Variants in TMEM132C observed in about 807,000 individuals in gnomAD.
TMEM132C encodes the protein transmembrane protein 132C.
Under a neutral mutation model 61.4 loss-of-function variants are expected in TMEM132C, and 29 were observed. The ratio of observed to expected loss-of-function variants is 0.47; its 90% confidence interval spans 0.35 to 0.64. The LOEUF (loss-of-function observed/expected upper bound fraction) is 0.64, where lower values mean the gene tolerates loss of function less well. TMEM132C is among the 30% of genes least tolerant of loss of function. The pLI, the probability that TMEM132C is intolerant of heterozygous loss-of-function variation, is 0.00. For synonymous variants in TMEM132C, 656 were observed against 633.1 expected, an observed-to-expected ratio of 1.04 and a Z score of -0.54; for missense variants, 1,408 against 1,476.9, an observed-to-expected ratio of 0.95 and a Z score of 0.76.
chr12:128,600,581 G>T (rs923547764), intron 3 of TMEM132C, among the ~76,000 whole-genome samples: 3 of 152,188 alleles, frequency 2.0e-5, no homozygotes. Flanking sequence ...CACCTTTGCA[G>T]CTGGGCACCA....
At chr12:128,561,295 G>A (rs537048051) in intron 3 of TMEM132C, among the ~76,000 whole-genome samples, 263 of 152,358 alleles carry the variant, frequency 1.7e-3, no homozygotes, top group Non-Finnish European at 2.9e-3. Flanking sequence ...TAATCATAAG[G>A]AAATATAGAG....
intron 2 of TMEM132C, among the ~76,000 whole-genome samples, chr12:128,500,781 A>G (rs1872145800): frequency 6.6e-6 from 1 of 152,212 alleles, no homozygotes; most frequent in Admixed American, 6.5e-5. Flanking sequence ...ATTTCTCAGA[A>G]AGTTAAACAT....
intron 4 of TMEM132C, among the ~76,000 whole-genome samples, chr12:128,629,376 C>T (rs946254550): frequency 6.6e-6 from 1 of 152,010 alleles, no homozygotes; most frequent in African/African-American, 2.4e-5. Flanking sequence ...AAAAATGAGG[C>T]GGGAGGATTG....
intron 2 of TMEM132C, among the ~76,000 whole-genome samples, chr12:128,521,470 A>T (rs1208907676): frequency 1.1e-5 from 1 of 89,656 alleles, no homozygotes; most frequent in African/African-American, 4.1e-5. Context: ...CCACCCCCCA[A>T]CAGGCCCCGG....
Position 128,342,009 on chromosome 12 carries a change from CT to C in TMEM132C, c.86-72710del, listed in dbSNP as rs879833084. Among the ~76,000 whole-genome samples, 379 of 145,532 alleles carry C rather than the reference CT, an allele frequency of 2.6e-3. 1 individual carries two copies. Among genetic ancestry groups the C allele is most frequent in the Middle Eastern group, 3.7e-3 (1 of 272 alleles). ...GCTAAAAGTTCACCTGGCCACACTT[CT>C]TTTTTTTTTTTTCTTTGAGATGGAG... On this transcript the variant is annotated intron_variant, in intron 1 of 8. Transcript: ENST00000435159.
intron 2 of TMEM132C, among the ~76,000 whole-genome samples, chr12:128,416,113 G>A (rs1400585828): frequency 2.6e-5 from 4 of 152,134 alleles, no homozygotes; most frequent in Non-Finnish European, 5.9e-5. Context: ...GTGTCTGGGA[G>A]GCCTTACTGC....
chr12:128,289,242 A>G (rs4882729), intron 1 of TMEM132C, among the ~76,000 whole-genome samples: 17,870 of 152,178 alleles, frequency 0.12, 1,216 homozygotes, highest in East Asian at 0.3. Context: ...ACCCTCTCAC[A>G]TGTTAACATA....
chr12:128,595,528 C>G (rs1030128289), intron 3 of TMEM132C, among the ~76,000 whole-genome samples: 3 of 152,156 alleles, frequency 2.0e-5, no homozygotes, highest in Non-Finnish European at 4.4e-5. Flanking sequence ...AGTTGCAAAA[C>G]AACAGAACTA....
intron 1 of TMEM132C, among the ~76,000 whole-genome samples, chr12:128,277,384 C>T (rs911441888): frequency 2.0e-5 from 3 of 152,190 alleles, no homozygotes; most frequent in African/African-American, 7.2e-5. Flanking sequence ...ATCAACAGCA[C>T]CTCCAGGCTT....
chr12:128,331,617 G>A (rs1389738324), intron 1 of TMEM132C, among the ~76,000 whole-genome samples: 1 of 152,168 alleles, frequency 6.6e-6, no homozygotes, highest in Non-Finnish European at 1.5e-5. Context: ...TAATGGCTGA[G>A]TAGTATTCCA....
At chr12:128,425,628 A>G (rs1309007900) in intron 2 of TMEM132C, among the ~76,000 whole-genome samples, 4 of 152,220 alleles carry the variant, frequency 2.6e-5, no homozygotes, top group African/African-American at 7.2e-5. Flanking sequence ...TCTAGAGGCC[A>G]GAAGCCTGAG....
rs1383343644 is a variant in TMEM132C, at chr12:128,267,426, C to T, written c.24C>T (p.Pro8=). 12 of 1,238,268 alleles carry T rather than the reference C, an allele frequency of 9.7e-6. No individual in the cohort carries two copies. In the East Asian group the frequency reaches 1.0e-4, roughly 10 times the overall value. The allele number at this position is 1,238,268 out of a possible 1,614,324, so 76.7% of individuals were successfully genotyped here. ...GGATGCGCTCCGAGGGTGCGGCCCCCGGGCCGGCGGCGCCGCTGTGCGGGG... is the reference window on the plus strand; with the variant it reads ...GGATGCGCTCCGAGGGTGCGGCCCCTGGGCCGGCGGCGCCGCTGTGCGGGG... MRSEGAA[P]GPAAPLCGAL... The change falls in exon 1 of 9, where the codon CCC becomes CCT. Residue 8 remains proline (P), a synonymous_variant. Coordinates refer to ENST00000435159, the MANE Select transcript of TMEM132C (RefSeq NM_001136103.3).
intron 2 of TMEM132C, among the ~76,000 whole-genome samples, chr12:128,431,266 C>T (rs922278828): frequency 2.0e-5 from 3 of 152,172 alleles, no homozygotes; most frequent in Non-Finnish European, 4.4e-5. Flanking sequence ...GAGCATGGCT[C>T]TAGTTCTGTG....
At chr12:128,469,111 T>C (rs1481712621) in intron 2 of TMEM132C, among the ~76,000 whole-genome samples, 1 of 152,140 alleles carries the variant, frequency 6.6e-6, no homozygotes, top group African/African-American at 2.4e-5. Context: ...ATTTACGATG[T>C]TTTCGTGACA....
At chr12:128,693,768 A>T (rs942920004) in intron 5 of TMEM132C, 61 bp from the exon 6 acceptor site, 27 of 1,528,902 alleles carry the variant, frequency 1.8e-5, no homozygotes, top group Middle Eastern at 3.4e-4. Context: ...AAAACAAAAA[A>T]AGGATTGTCT....
At chr12:128,518,754 G>A (rs1214067418) in intron 2 of TMEM132C, among the ~76,000 whole-genome samples, 1 of 151,824 alleles carries the variant, frequency 6.6e-6, no homozygotes, top group Non-Finnish European at 1.5e-5. Context: ...GTGTGTGTGT[G>A]TGGTGTGTGT....
intron 1 of TMEM132C, among the ~76,000 whole-genome samples, chr12:128,275,103 T>C (rs1311637380): frequency 6.6e-6 from 1 of 152,128 alleles, no homozygotes; most frequent in Non-Finnish European, 1.5e-5. Context: ...CTAGTGTATG[T>C]AGTGAAAAAA....
At chr12:128,700,079 G>A (rs1337805784) in intron 8 of TMEM132C, among the ~76,000 whole-genome samples, 1 of 152,200 alleles carries the variant, frequency 6.6e-6, no homozygotes, top group Non-Finnish European at 1.5e-5. Context: ...ATGAATTAGG[G>A]TGGACGATTG....
intron 3 of TMEM132C, among the ~76,000 whole-genome samples, chr12:128,608,812 G>GGAGAGC (rs1324985542): frequency 2.0e-5 from 3 of 152,116 alleles, no homozygotes; most frequent in African/African-American, 7.2e-5. Flanking sequence ...CAGCCAGGAT[G>GGAGAGC]GAGAGCCCCT....
Sources: allele counts gnomAD v4.1 joint callset (sites outside exome capture counted in the v4.1 genomes callset), GRCh38; gene constraint gnomAD v4.1.1; transcripts MANE v1.5; gene names NCBI Gene and HGNC (gene_info 2026-07-23, HGNC 2026-07-21).